Variants in COA8 observed in about 807,000 individuals in gnomAD.
COA8 encodes cytochrome c oxidase assembly factor 8.
A neutral mutation model predicts 22.0 loss-of-function variants in COA8; 20 were observed. The ratio of observed to expected loss-of-function variants is 0.91; its 90% confidence interval spans 0.64 to 1.32. The LOEUF is 1.32. Ranked by LOEUF, COA8 falls within the 40% of genes most tolerant of loss-of-function variation. COA8 has a pLI of 0.00. For missense variants in COA8, 266 were observed against 230.0 expected (o/e 1.16, Z -1.01); for synonymous variants, 105 against 79.9 (o/e 1.31, Z -1.68).
chr14:103,575,148 G>A lies in COA8; in HGVS notation c.385+978G>A, dbSNP rs567416355. ...CGTGCGTGTGTACGCATGTGTGTGC[G>A]TACGTGCACGTGTGTACATGTGTGT... On this transcript the variant is annotated intron_variant, in intron 3 of 4. Coordinates refer to ENST00000409074, the MANE Select transcript of COA8 (RefSeq NM_001370595.2). Among the ~76,000 whole-genome samples, 93 of 152,366 alleles carry A rather than the reference G, an allele frequency of 6.1e-4. 1 individual carries two copies. Among genetic ancestry groups the A allele is most frequent in the African/African-American group, 2.0e-3 (83 of 41,594 alleles).
At chr14:103,568,075 A>G (rs1249250215) in intron 1 of COA8, among the ~76,000 whole-genome samples, 1 of 152,162 alleles carries the variant, frequency 6.6e-6, no homozygotes, top group Non-Finnish European at 1.5e-5. Context: ...TCCTTCTCAG[A>G]TGGGAACTCA....
intron 3 of COA8, among the ~76,000 whole-genome samples, chr14:103,577,167 T>A (rs1390154842): frequency 6.6e-6 from 1 of 152,100 alleles, no homozygotes; most frequent in Admixed American, 6.6e-5. Flanking sequence ...ACCTCCGGGT[T>A]CAAGCAATTC....
At chr14:103,563,265 C>T (rs1381072480) in intron 1 of COA8, 141 bp downstream of exon 1, 21 of 1,180,092 alleles carry the variant, frequency 1.8e-5, no homozygotes, top group Non-Finnish European at 2.4e-5. Flanking sequence ...CGAACAGTCC[C>T]GCAGCCCCGA....
intron 3 of COA8, among the ~76,000 whole-genome samples, chr14:103,576,661 T>C (rs974204212): frequency 1.3e-5 from 2 of 152,226 alleles, no homozygotes; most frequent in African/African-American, 4.8e-5. Flanking sequence ...CTGCCTTACC[T>C]TTCTCATGCT....
intron 3 of COA8, chr14:103,574,511 T>A: frequency 2.0e-6 from 1 of 497,454 alleles, no homozygotes. Context: ...GTGCTCAAAA[T>A]AGCCTCTCCT....
chr14:103,571,048 A>G lies in COA8; in HGVS notation c.124-575A>G, dbSNP rs571782993. On this transcript the variant is annotated intron_variant, in intron 1 of 4. Transcript: ENST00000409074. Reference sequence around the variant, plus strand: ...GGTTCTGCAATAGAGATGCAGGAGTAATTGGAGAAGTTGCAGATCTTGTGA... The same window carrying G: ...GGTTCTGCAATAGAGATGCAGGAGTGATTGGAGAAGTTGCAGATCTTGTGA... Among the ~76,000 whole-genome samples, 116 of 152,272 alleles carry G rather than the reference A, an allele frequency of 7.6e-4. 1 individual carries two copies. The highest frequency in any genetic ancestry group is 2.7e-3 in the African/African-American group (113 of 41,558).
chr14:103,567,109 G>A (rs1310457374), intron 1 of COA8, among the ~76,000 whole-genome samples: 3 of 151,976 alleles, frequency 2.0e-5, no homozygotes, highest in Non-Finnish European at 2.9e-5. Flanking sequence ...GCGGTGGCTC[G>A]TGCCTGTAAT....
rs751042638 is a variant in COA8, at chr14:103,571,837, G to C, written c.321+17G>C. ...TTTAGTAAGGTAAGTTTAAGTTTTAGATCAGAACGGAAGGGTGCGGTGGCT... is the reference window on the plus strand; with the variant it reads ...TTTAGTAAGGTAAGTTTAAGTTTTACATCAGAACGGAAGGGTGCGGTGGCT... On this transcript the variant is annotated intron_variant, in intron 2 of 4. Coordinates refer to ENST00000409074, the MANE Select transcript of COA8 (RefSeq NM_001370595.2). The C allele has an allele frequency of 6.2e-7, 1 of 1,610,002 alleles. No individual in the cohort carries two copies. The highest frequency in any genetic ancestry group is 1.3e-5 in the African/African-American group (1 of 74,880).
chr14:103,587,720 G>T (rs1204565902), intron 4 of COA8, among the ~76,000 whole-genome samples: 25 of 151,552 alleles, frequency 1.6e-4, no homozygotes, highest in African/African-American at 2.7e-4. Context: ...TGTTAGGCAG[G>T]ATGGTCTCAA....
chr14:103,587,146 C>A, intron 3 of COA8, 128 bp from the exon 4 acceptor site: 1 of 578,542 alleles, frequency 1.7e-6, no homozygotes. Flanking sequence ...TATAGAAATA[C>A]AATTGATGTT....
At chr14:103,568,003 T>C (rs752833117) in intron 1 of COA8, among the ~76,000 whole-genome samples, 4 of 152,172 alleles carry the variant, frequency 2.6e-5, no homozygotes, top group South Asian at 4.1e-4. Context: ...CGGATTTGTC[T>C]AGCATCCATG....
At chr14:103,588,126 A>AC in intron 4 of COA8, 8 of 309,538 alleles carry the variant, frequency 2.6e-5, no homozygotes, top group East Asian at 9.4e-5. Flanking sequence ...CAAAAAAAAA[A>AC]AAAAAAAAAA....
At position 103,562,976 on chromosome 14, in the gene COA8, C is replaced by A. The variant is rs779175774; in HGVS notation, c.-26C>A. 1 of 1,522,464 alleles carries A rather than the reference C, an allele frequency of 6.6e-7. No homozygotes were observed. The highest frequency in any genetic ancestry group is 2.0e-5 in the Admixed American group (1 of 49,902). 94.3% of individuals were successfully genotyped at this position (1,522,464 alleles called of 1,614,324 possible). A position where few individuals can be genotyped will look rare whatever the true frequency, so the allele number is the denominator to read the frequency against. On this transcript the variant is annotated 5_prime_UTR_variant, in exon 1 of 5. Coordinates refer to ENST00000409074, the MANE Select transcript of COA8 (RefSeq NM_001370595.2). ...CGCGCCGTCGCAATGCTGCCGTGCGCCGCGGGAGCCAGGGGGCGTGGGGCC... is the reference window on the plus strand; with the variant it reads ...CGCGCCGTCGCAATGCTGCCGTGCGACGCGGGAGCCAGGGGGCGTGGGGCC...
chr14:103,583,314 C>A, intron 3 of COA8, among the ~76,000 whole-genome samples: 1 of 151,798 alleles, frequency 6.6e-6, no homozygotes. Flanking sequence ...CCAAGGTGGG[C>A]GGATCACTTG....
chr14:103,569,592 C>T (rs189240538), intron 1 of COA8, among the ~76,000 whole-genome samples: 52 of 152,284 alleles, frequency 3.4e-4, no homozygotes, highest in African/African-American at 1.2e-3. Context: ...TGGTCATGCA[C>T]GGTTAGCGCG....
intron 3 of COA8, chr14:103,574,834 A>AT (rs1206695989): frequency 4.2e-6 from 1 of 239,902 alleles, no homozygotes; most frequent in African/African-American, 2.3e-5. Flanking sequence ...CAGATGCTGC[A>AT]TCCAGCAGTA....
chr14:103,567,700 A>G (rs560336873), intron 1 of COA8, among the ~76,000 whole-genome samples: 1 of 152,298 alleles, frequency 6.6e-6, no homozygotes, highest in South Asian at 2.1e-4. Context: ...AATCATCTTT[A>G]GACAAATTGT....
chr14:103,579,439 T>TCAG, intron 3 of COA8: 1 of 186,006 alleles, frequency 5.4e-6, no homozygotes, highest in South Asian at 7.0e-5. Context: ...AAACTCTGCC[T>TCAG]CCTGGTTCAA....
rs768347313 is a variant in COA8, at chr14:103,563,107, G to A, written c.106G>A (p.Asp36Asn). The A allele has an allele frequency of 1.9e-6, 3 of 1,540,362 alleles. No individual in the cohort carries two copies. The highest frequency in any genetic ancestry group is 2.6e-6 in the Non-Finnish European group (3 of 1,148,150). ...LAPERGAERR[D>N]TAPSGVSRFC... ...TCCGGAGCGCGGCGCCGAGCGCAGG[G>A]ATACGGCGCCCAGCGGGGTAAGCAG... The change falls in exon 1 of 5, where the codon GAT (aspartate) becomes AAT (asparagine). Residue 36 changes from aspartate (D) to asparagine (N), a missense_variant. Transcript: ENST00000409074.
Sources: gnomAD v4.1 joint callset for allele counts (sites outside exome capture counted in the v4.1 genomes callset) on GRCh38, gnomAD v4.1.1 for gene constraint, MANE v1.5 for transcripts, NCBI Gene and HGNC (gene_info 2026-07-23, HGNC 2026-07-21) for gene names.